The following NAPB variants were observed in gnomAD, a reference collection of about 807,000 sequenced individuals.
NAPB encodes NSF attachment protein beta.
In NAPB, 26 loss-of-function variants were observed where a neutral mutation model predicts 44.7. That is an observed-to-expected ratio of 0.58 (90% confidence interval 0.43 to 0.81). The LOEUF is 0.81. NAPB is among the 30% of genes least tolerant of loss of function. The pLI is 0.00. For synonymous variants in NAPB, 120 were observed against 116.8 expected (o/e 1.03, Z -0.18); for missense variants, 315 against 356.4 (o/e 0.88, Z 0.94).
chr20:23,414,000 G>T (rs1955510029), intron 1 of NAPB, among the ~76,000 whole-genome samples: 1 of 152,110 alleles, frequency 6.6e-6, no homozygotes, highest in African/African-American at 2.4e-5. Flanking sequence ...ATGAATTGTA[G>T]ATAAAACAAT....
intron 7 of NAPB, among the ~76,000 whole-genome samples, chr20:23,382,812 A>C (rs1983127814): frequency 6.6e-6 from 1 of 152,218 alleles, no homozygotes; most frequent in Non-Finnish European, 1.5e-5. Flanking sequence ...ATGGGATAAT[A>C]AAACAGTCTC....
intron 7 of NAPB, 59 bp from the exon 8 acceptor site, chr20:23,381,376 C>G (rs1568602813): frequency 2.9e-6 from 3 of 1,026,928 alleles, no homozygotes; most frequent in East Asian, 5.1e-5. Flanking sequence ...CAGGCAAAGT[C>G]ATTCTCATCT....
Position 23,381,252 on chromosome 20 carries a change from A to C in NAPB, c.627T>G (p.Ala209=). ...CGTCTACTATGAAGTGGCAGAGGGC[A>C]GCTTTGAAGAAGTAATCCTTTGCAC... The part of the protein sequence containing the change: ...KYSAKDYFFK[A]ALCHFIVDEL... Residue 209 remains alanine (A), a synonymous_variant, in exon 8 of 11, where the codon GCT becomes GCG. Coordinates refer to ENST00000377026, the MANE Select transcript of NAPB (RefSeq NM_022080.3). 1 of 1,613,394 alleles carries C rather than the reference A, an allele frequency of 6.2e-7. No homozygotes were observed. Among genetic ancestry groups the C allele is most frequent in the Non-Finnish European group, 8.5e-7 (1 of 1,179,720 alleles).
chr20:23,410,479 G>A (rs535988878), intron 1 of NAPB, among the ~76,000 whole-genome samples: 1 of 152,204 alleles, frequency 6.6e-6, no homozygotes, highest in Non-Finnish European at 1.5e-5. Context: ...CTTATAAGTG[G>A]TAGCTAAACA....
At chr20:23,390,149 G>GT in intron 6 of NAPB, 60 bp downstream of exon 6, 3 of 1,522,020 alleles carry the variant, frequency 2.0e-6, no homozygotes, top group Non-Finnish European at 2.7e-6. Context: ...GTATAAAGAA[G>GT]TATTTTTTTA....
chr20:23,385,761 GAA>G (rs1225430247), intron 7 of NAPB, among the ~76,000 whole-genome samples: 55 of 147,800 alleles, frequency 3.7e-4, no homozygotes, highest in Non-Finnish European at 2.8e-4. Context: ...GAGAAAGAGA[GAA>G]AGAGAGAGAG....
chr20:23,379,127 T>C (rs1029915216), intron 10 of NAPB: 5 of 221,504 alleles, frequency 2.3e-5, no homozygotes, highest in Non-Finnish European at 4.4e-5. Flanking sequence ...TAACTAATTT[T>C]ACTTTATACT....
intron 2 of NAPB, among the ~76,000 whole-genome samples, chr20:23,400,986 A>G (rs77348799): frequency 1.4e-5 from 2 of 147,150 alleles, no homozygotes; most frequent in East Asian, 2.0e-4. Context: ...TTGGAGAAAG[A>G]AAAAAAAAAA....
chr20:23,388,741 A>G lies in NAPB; in HGVS notation c.561+1205T>C, dbSNP rs373457789. On this transcript the variant is annotated intron_variant, in intron 7 of 10. Transcript: ENST00000377026. ...TAAAGTTGGACCCTTACCTCATACT[A>G]TATACAAAAATTAACTCAAAATGGA... Among the ~76,000 whole-genome samples the G allele has an allele frequency of 2.0e-5, 3 of 152,326 alleles. 1 individual carries two copies. The highest frequency in any genetic ancestry group is 6.5e-5 in the Admixed American group (1 of 15,300).
chr20:23,378,102 G>A (rs1337998040), intron 10 of NAPB, among the ~76,000 whole-genome samples: 2 of 151,284 alleles, frequency 1.3e-5, no homozygotes, highest in Non-Finnish European at 2.9e-5. Flanking sequence ...CTTAAGCCCA[G>A]GAGTTAAGAG....
At chr20:23,391,947 G>A (rs1016880215) in intron 5 of NAPB, among the ~76,000 whole-genome samples, 1 of 152,176 alleles carries the variant, frequency 6.6e-6, no homozygotes, top group Non-Finnish European at 1.5e-5. Context: ...AAGCCCATTA[G>A]TTAAGTGGCT....
intron 1 of NAPB, among the ~76,000 whole-genome samples, chr20:23,414,682 A>G (rs973498187): frequency 1.3e-5 from 2 of 152,220 alleles, no homozygotes; most frequent in African/African-American, 4.8e-5. Flanking sequence ...TCTACTTCCA[A>G]GTTTCCTTAC....
intron 7 of NAPB, among the ~76,000 whole-genome samples, chr20:23,389,124 TAGCCAA>T (rs1983745846): frequency 1.4e-5 from 2 of 146,152 alleles, no homozygotes; most frequent in South Asian, 4.3e-4. Context: ...GATATACAAA[TAGCCAA>T]TAAGCAAATA....
intron 3 of NAPB, among the ~76,000 whole-genome samples, chr20:23,396,239 C>A (rs1302080585): frequency 6.6e-6 from 1 of 152,182 alleles, no homozygotes; most frequent in Non-Finnish European, 1.5e-5. Context: ...TTAATGCCTG[C>A]ACCATATTCT....
At chr20:23,399,682 G>C (rs1223967051) in intron 2 of NAPB, among the ~76,000 whole-genome samples, 1 of 152,198 alleles carries the variant, frequency 6.6e-6, no homozygotes, top group Non-Finnish European at 1.5e-5. Context: ...TATCCAGAAG[G>C]GGCAAAGGCC....
chr20:23,377,786 G>A (rs1410426330), intron 10 of NAPB, among the ~76,000 whole-genome samples: 1 of 151,574 alleles, frequency 6.6e-6, no homozygotes, highest in African/African-American at 2.4e-5. Flanking sequence ...ACTGGATATT[G>A]TATAAAAATT....
chr20:23,421,337 C>T lies in NAPB; in HGVS notation c.66G>A (p.Lys22=), dbSNP rs1986419301. Residue 22 remains lysine, a synonymous_variant, in exon 1 of 11, where the codon AAG becomes AAA. Transcript: ENST00000377026. The part of the protein sequence containing the change: ...QLMAEAEKRV[K]ASHSFLRGLF... ...GCCCTCGGAGGAAGGAGTGGGAGGC[C>T]TTGACTCGCTTCTCGGCCTCCGCCA... is the stretch of plus-strand genomic sequence containing the variant. 6.4e-7 allele frequency: 1 copy of T among 1,565,232 alleles called. No homozygotes were observed. The highest frequency in any genetic ancestry group is 1.4e-5 in the African/African-American group (1 of 73,454).
At chr20:23,398,140 G>A (rs567840399) in intron 2 of NAPB, among the ~76,000 whole-genome samples, 3 of 152,248 alleles carry the variant, frequency 2.0e-5, no homozygotes, top group South Asian at 2.1e-4. Context: ...ATCAACATGC[G>A]AAACTTCCTG....
intron 2 of NAPB, 129 bp from the exon 3 acceptor site, chr20:23,397,317 T>G (rs564049498): frequency 2.1e-5 from 24 of 1,163,334 alleles, no homozygotes; most frequent in Non-Finnish European, 2.7e-5. Flanking sequence ...GAAGCAAAAA[T>G]CCATGTGGTC....
Sources: allele counts gnomAD v4.1 joint callset (sites outside exome capture counted in the v4.1 genomes callset), GRCh38; gene constraint gnomAD v4.1.1; transcripts MANE v1.5; gene names NCBI Gene and HGNC (gene_info 2026-07-23, HGNC 2026-07-21).